FBRSL1: variants seen among roughly 807,000 people sequenced by gnomAD.
FBRSL1 encodes fibrosin like 1.
A neutral mutation model predicts 89.6 loss-of-function variants in FBRSL1; 51 were observed. That is an observed-to-expected ratio of 0.57 (90% CI 0.45 to 0.72). The LOEUF (loss-of-function observed/expected upper bound fraction) is 0.72, where lower values mean the gene tolerates loss of function less well. FBRSL1 is among the 30% of genes least tolerant of loss of function. FBRSL1 has a pLI of 0.00. For missense variants in FBRSL1, 1,618 were observed against 1,451.8 expected (o/e 1.11, Z -1.86); for synonymous variants, 779 against 681.1 (o/e 1.14, Z -2.24).
chr12:132,544,320 C>G (rs4883557), intron 4 of FBRSL1, among the ~76,000 whole-genome samples: 88,888 of 151,882 alleles, frequency 0.59, 26,638 homozygotes, highest in Middle Eastern at 0.71. Flanking sequence ...GCTGCTGCCT[C>G]CTGGCTGCCA....
rs1245228075 is a variant in FBRSL1 at position 132,582,239 on chromosome 12, C to T, written c.2174C>T (p.Pro725Leu). Residue 725 changes from proline (P) to leucine (L), a missense_variant, in exon 18 of 19, where the codon CCG becomes CTG. Coordinates refer to ENST00000680143, the MANE Select transcript of FBRSL1 (RefSeq NM_001367871.1). ...GCCCTGACCAACCATGACCGAGAGC[C>T]GGACAATGGCAAGGAGGAGCAGGAA... is the stretch of plus-strand genomic sequence containing the variant. ...VSALTNHDRE[P>L]DNGKEEQERD... 3.2e-6 allele frequency: 5 copies of T among 1,550,188 alleles called. No homozygotes were observed. The East Asian group carries it at 7.3e-5, about 23-fold the overall frequency.
chr12:132,535,892 GGT>G (rs1415608199), intron 4 of FBRSL1, among the ~76,000 whole-genome samples: 3 of 150,154 alleles, frequency 2.0e-5, no homozygotes, highest in South Asian at 4.2e-4. Context: ...ACGTGTCCAT[GGT>G]GTGTGAGTGC....
At position 132,581,355 on chromosome 12, in the gene FBRSL1, G is replaced by A; in HGVS notation, c.1835-84G>A. ...GAGGTGAAGGTTCACAGAGGAAATTGGGGTGCTCCCTGTGAACAGAGCTGC... is the reference window on the plus strand; with the variant it reads ...GAGGTGAAGGTTCACAGAGGAAATTAGGGTGCTCCCTGTGAACAGAGCTGC... On this transcript the variant is annotated intron_variant, in intron 15 of 18. Coordinates refer to ENST00000680143, the MANE Select transcript of FBRSL1 (RefSeq NM_001367871.1). The A allele has an allele frequency of 1.6e-5, 24 of 1,548,138 alleles. 1 individual carries two copies. In the South Asian group the frequency reaches 2.6e-4, roughly 17 times the overall value.
At chr12:132,553,107 TCTGGGAGCATCTTC>T (rs1241368619) in intron 5 of FBRSL1, 1 of 152,550 alleles carries the variant, frequency 6.6e-6, no homozygotes, top group East Asian at 1.9e-4. Context: ...CCAGCCCACT[TCTGGGAGCATCTTC>T]CTGGGGGCTT....
chr12:132,540,980 C>G (rs2037211487), intron 4 of FBRSL1, among the ~76,000 whole-genome samples: 1 of 152,162 alleles, frequency 6.6e-6, no homozygotes, highest in Non-Finnish European at 1.5e-5. Flanking sequence ...AGCCTCCCAC[C>G]ACACCCCTAC....
chr12:132,491,864 AGTC>A (rs1566086839), intron 1 of FBRSL1, among the ~76,000 whole-genome samples: 1 of 152,226 alleles, frequency 6.6e-6, no homozygotes, highest in African/African-American at 2.4e-5. Flanking sequence ...CCGAGTGCAC[AGTC>A]AGAGCTGGGG....
chr12:132,539,718 T>TGCC (rs2037079190), intron 4 of FBRSL1, among the ~76,000 whole-genome samples: 1 of 29,438 alleles, frequency 3.4e-5, no homozygotes, highest in African/African-American at 1.5e-4. Flanking sequence ...CCCAGTCCAG[T>TGCC]CTCCCAGCCC....
rs1168007024 is a variant in FBRSL1, at chr12:132,511,615, G to A, written c.489+3265G>A. Reference sequence around the variant, plus strand: ...AGCAGCGTTGACCACCTGGACCCCTGCGCCACGTGACAGGAGGCTCTGGTC... The same window carrying A: ...AGCAGCGTTGACCACCTGGACCCCTACGCCACGTGACAGGAGGCTCTGGTC... On this transcript the variant is annotated intron_variant, in intron 2 of 18. Coordinates refer to ENST00000680143, the MANE Select transcript of FBRSL1 (RefSeq NM_001367871.1). 9.1e-6 allele frequency: 9 copies of A among 985,526 alleles called. No homozygotes were observed. In the Admixed American group the frequency reaches 1.8e-4, roughly 20 times the overall value. The allele number at this position is 985,526 out of a possible 1,614,324, so 61.0% of individuals were successfully genotyped here. A position where few individuals can be genotyped will look rare whatever the true frequency, so the allele number is the denominator to read the frequency against.
intron 2 of FBRSL1, chr12:132,509,802 T>A: frequency 4.9e-6 from 6 of 1,231,254 alleles, no homozygotes; most frequent in Non-Finnish European, 5.1e-6. Context: ...GCCCCTGTGG[T>A]CGCTGCTAGC....
chr12:132,495,002 G>C (rs1013501015), intron 1 of FBRSL1, among the ~76,000 whole-genome samples: 2 of 152,246 alleles, frequency 1.3e-5, no homozygotes, highest in African/African-American at 2.4e-5. Context: ...GCTGTCTGTG[G>C]GCGAGCTGTG....
intron 5 of FBRSL1, among the ~76,000 whole-genome samples, chr12:132,561,042 G>A (rs1407651855): frequency 6.6e-6 from 1 of 152,212 alleles, no homozygotes; most frequent in African/African-American, 2.4e-5. Flanking sequence ...GAAGGGGTTG[G>A]AGCCTGGGCC....
intron 2 of FBRSL1, among the ~76,000 whole-genome samples, chr12:132,521,177 G>A (rs1027561096): frequency 6.6e-6 from 1 of 152,234 alleles, no homozygotes; most frequent in Non-Finnish European, 1.5e-5. Context: ...GTTTGCACTG[G>A]GCCAGGAGCC....
intron 1 of FBRSL1, chr12:132,507,385 G>A: frequency 1.0e-6 from 1 of 985,530 alleles, no homozygotes; most frequent in African/African-American, 1.7e-5. Flanking sequence ...CCAGCATACA[G>A]AAGGTGCTTA....
chr12:132,564,596 C>G (rs112997241), intron 5 of FBRSL1, among the ~76,000 whole-genome samples: 35,240 of 107,636 alleles, frequency 0.33, 7,075 homozygotes, highest in East Asian at 0.79. Flanking sequence ...CCCGGGTTCA[C>G]GCCATTCTCC....
chr12:132,579,018 A>G (rs2040570390), intron 15 of FBRSL1, among the ~76,000 whole-genome samples: 1 of 151,486 alleles, frequency 6.6e-6, no homozygotes, highest in Non-Finnish European at 1.5e-5. Flanking sequence ...GGCCCTCCAC[A>G]CTGCCCGCCC....
intron 4 of FBRSL1, among the ~76,000 whole-genome samples, chr12:132,534,263 C>T (rs531747144): frequency 9.2e-5 from 14 of 152,338 alleles, no homozygotes; most frequent in South Asian, 2.1e-4. Flanking sequence ...GAGGGTGGGA[C>T]GCCACGTGCG....
chr12:132,495,323 GC>G (rs1424606225), intron 1 of FBRSL1, among the ~76,000 whole-genome samples: 1 of 152,208 alleles, frequency 6.6e-6, no homozygotes, highest in Non-Finnish European at 1.5e-5. Flanking sequence ...GGCCCGGCCT[GC>G]CGAGCACCGC....
chr12:132,504,818 T>C (rs2033480001), intron 1 of FBRSL1, among the ~76,000 whole-genome samples: 1 of 152,170 alleles, frequency 6.6e-6, no homozygotes, highest in African/African-American at 2.4e-5. Context: ...CATGGGGTCC[T>C]GTTTGTGTGG....
At chr12:132,512,522 C>T (rs910727678) in intron 2 of FBRSL1, among the ~76,000 whole-genome samples, 5 of 152,222 alleles carry the variant, frequency 3.3e-5, no homozygotes, top group Non-Finnish European at 2.9e-5. Flanking sequence ...GCCATTGCCC[C>T]GCAGAGGGGC....
Sources: allele counts gnomAD v4.1 joint callset (sites outside exome capture counted in the v4.1 genomes callset), GRCh38; gene constraint gnomAD v4.1.1; transcripts MANE v1.5; gene names NCBI Gene and HGNC (gene_info 2026-07-23, HGNC 2026-07-21).